USH2A: variants seen among roughly 807,000 people sequenced by gnomAD.
USH2A encodes usherin, also known as Usher syndrome 2A (autosomal recessive, mild).
In USH2A, 443 loss-of-function variants were observed where a neutral mutation model predicts 538.9. That is an observed-to-expected ratio of 0.82 (90% CI 0.76 to 0.89). The LOEUF is 0.89. Ranked by LOEUF, USH2A falls within the 40% of genes least tolerant of loss-of-function variation. The pLI is 0.00. For missense variants in USH2A, 6,633 were observed against 6,324.8 expected, an observed-to-expected ratio of 1.05 and a Z score of -1.65; for synonymous variants, 2,413 against 2,273.5, an observed-to-expected ratio of 1.06 and a Z score of -1.75.
At chr1:215,980,317 G>A (rs1001251494) in intron 35 of USH2A, among the ~76,000 whole-genome samples, 3 of 152,126 alleles carry the variant, frequency 2.0e-5, no homozygotes, top group Non-Finnish European at 4.4e-5. Flanking sequence ...CTTGGCCAGT[G>A]TTATACAGCT....
intron 70 of USH2A, among the ~76,000 whole-genome samples, chr1:215,633,069 G>A (rs1389931286): frequency 6.6e-6 from 1 of 152,122 alleles, no homozygotes; most frequent in East Asian, 1.9e-4. Flanking sequence ...AGTGTTATGT[G>A]GTAAATGCTA....
chr1:216,126,284 C>T (rs1237532155), intron 21 of USH2A, among the ~76,000 whole-genome samples: 7 of 152,086 alleles, frequency 4.6e-5, no homozygotes, highest in East Asian at 1.9e-4. Flanking sequence ...AGTGCAATGG[C>T]GGGATCTCAG....
intron 30 of USH2A, among the ~76,000 whole-genome samples, chr1:216,056,422 T>A (rs567386122): frequency 1.3e-5 from 2 of 152,270 alleles, no homozygotes; most frequent in East Asian, 3.9e-4. Context: ...AGGCTGCTTT[T>A]GGAGTGAGTG....
At chr1:215,947,947 A>G (rs1666799535) in intron 37 of USH2A, among the ~76,000 whole-genome samples, 2 of 152,290 alleles carry the variant, frequency 1.3e-5, no homozygotes, top group South Asian at 4.1e-4. Context: ...CAGAAAGATA[A>G]TAAGAAAATC....
chr1:215,900,462 GTAT>G (rs1191861088), intron 39 of USH2A, among the ~76,000 whole-genome samples: 1 of 152,054 alleles, frequency 6.6e-6, no homozygotes, highest in Admixed American at 6.6e-5. Flanking sequence ...TGTAGAATAG[GTAT>G]TATAATTTGT....
At chr1:216,069,241 G>T (rs1222607381) in intron 30 of USH2A, among the ~76,000 whole-genome samples, 2 of 152,102 alleles carry the variant, frequency 1.3e-5, no homozygotes, top group East Asian at 3.9e-4. Context: ...GAAGTGAAGG[G>T]TGTGAATTTG....
intron 3 of USH2A, among the ~76,000 whole-genome samples, chr1:216,413,040 G>A (rs1323369025): frequency 6.6e-6 from 1 of 151,988 alleles, no homozygotes; most frequent in Non-Finnish European, 1.5e-5. Context: ...GTAACTGATT[G>A]TTCTGAAAAA....
Position 215,718,350 on chromosome 1 carries a change from A to C in USH2A, c.12066+9680T>G, listed in dbSNP as rs538013995. Among the ~76,000 whole-genome samples, 22 of 152,340 alleles carry C rather than the reference A, an allele frequency of 1.4e-4. 1 individual carries two copies. In the East Asian group the frequency reaches 4.2e-3, roughly 29 times the overall value. On this transcript the variant is annotated intron_variant, in intron 61 of 71. Transcript: ENST00000307340. ...CCAACAGTGGTTTCAGTAATTTAAA[A>C]ATCACAGTATTGTTGTAATATTTTT...
At chr1:215,900,662 AT>A in intron 39 of USH2A, 92 bp downstream of exon 39, 1 of 1,541,992 alleles carries the variant, frequency 6.5e-7, no homozygotes, top group Non-Finnish European at 8.9e-7. Flanking sequence ...GGTAACCTAT[AT>A]TTTTTGCAAA....
chr1:216,172,714 G>T, intron 21 of USH2A, among the ~76,000 whole-genome samples: 1 of 152,062 alleles, frequency 6.6e-6, no homozygotes, highest in East Asian at 1.9e-4. Context: ...TGTCTTTGGG[G>T]ATACAAATAA....
chr1:215,937,868 G>GT (rs1191563322), intron 37 of USH2A, among the ~76,000 whole-genome samples: 2 of 151,934 alleles, frequency 1.3e-5, no homozygotes, highest in Non-Finnish European at 2.9e-5. Flanking sequence ...TATTGGTGAA[G>GT]TTTTTTCCAT....
chr1:215,744,766 C>T (rs1660416106), intron 58 of USH2A, among the ~76,000 whole-genome samples: 1 of 152,180 alleles, frequency 6.6e-6, no homozygotes, highest in African/African-American at 2.4e-5. Flanking sequence ...TATTGATCAT[C>T]TTCAGAAGTA....
intron 21 of USH2A, among the ~76,000 whole-genome samples, chr1:216,135,958 A>ATG (rs747966685): frequency 3.0e-4 from 46 of 152,170 alleles, no homozygotes; most frequent in Non-Finnish European, 5.0e-4. Flanking sequence ...ATATATATAT[A>ATG]TGTATGAAGT....
intron 61 of USH2A, among the ~76,000 whole-genome samples, chr1:215,686,881 C>T (rs995661261): frequency 6.6e-5 from 10 of 151,982 alleles, no homozygotes; most frequent in Admixed American, 2.0e-4. Flanking sequence ...TGTAATTATT[C>T]TTTAGACACA....
At chr1:216,241,028 GA>G (rs374765415) in intron 13 of USH2A, among the ~76,000 whole-genome samples, 133 of 152,166 alleles carry the variant, frequency 8.7e-4, no homozygotes, top group African/African-American at 3.1e-3. Context: ...AAAAACTAAG[GA>G]AGACAAATTT....
rs555081323 is a variant in USH2A at position 215,959,318 on chromosome 1, G to T, written c.7120+5999C>A. Among the ~76,000 whole-genome samples, 4 of 151,850 alleles carry T rather than the reference G, an allele frequency of 2.6e-5. No individual in the cohort carries two copies. In the East Asian group the frequency reaches 7.8e-4, roughly 29 times the overall value. ...GGTTTCTTTTTTTCAGGACCATCAG[G>T]TCTTATAAGCAAATAAAAAGCATCT... On this transcript the variant is annotated intron_variant, in intron 37 of 71. Transcript: ENST00000307340.
intron 3 of USH2A, among the ~76,000 whole-genome samples, chr1:216,382,244 T>C (rs927299953): frequency 4.6e-5 from 7 of 152,290 alleles, no homozygotes; most frequent in Admixed American, 1.3e-4. Context: ...ATAGAAAGGA[T>C]GAGTGCATGT....
At chr1:216,114,450 C>A (rs1284870902) in intron 21 of USH2A, among the ~76,000 whole-genome samples, 1 of 151,896 alleles carries the variant, frequency 6.6e-6, no homozygotes, top group African/African-American at 2.4e-5. Flanking sequence ...CATTTTTAAA[C>A]CCTTAAGTAA....
chr1:215,927,239 AAAAG>A (rs1227665801), intron 38 of USH2A, among the ~76,000 whole-genome samples: 1 of 152,154 alleles, frequency 6.6e-6, no homozygotes, highest in Admixed American at 6.5e-5. Flanking sequence ...AAAAATAACT[AAAAG>A]ACTTAGGATA....
Sources: allele counts gnomAD v4.1 joint callset (sites outside exome capture counted in the v4.1 genomes callset), GRCh38; gene constraint gnomAD v4.1.1; transcripts MANE v1.5; gene names NCBI Gene and HGNC (gene_info 2026-07-23, HGNC 2026-07-21).